TRPC3: variants seen among roughly 807,000 people sequenced by gnomAD.
The protein encoded by TRPC3 is short transient receptor potential channel 3.
In TRPC3, 54 loss-of-function variants were observed where a neutral mutation model predicts 90.9. The ratio of observed to expected loss-of-function variants is 0.59; its 90% CI spans 0.48 to 0.75. TRPC3 has a LOEUF of 0.75. Among genes scored for constraint, TRPC3 ranks in the 30% least tolerant of loss-of-function variants. TRPC3 has a pLI of 0.00. For missense variants in TRPC3, 918 were observed against 1,194.5 expected, an observed-to-expected ratio of 0.77 and a Z score of 3.41; for synonymous variants, 424 against 450.9, an observed-to-expected ratio of 0.94 and a Z score of 0.75.
chr4:121,917,998 T>C (rs1729374539), intron 3 of TRPC3, among the ~76,000 whole-genome samples: 1 of 152,232 alleles, frequency 6.6e-6, no homozygotes, highest in Non-Finnish European at 1.5e-5. Context: ...CGTTTGAATG[T>C]GTCTCCTCCA....
At chr4:121,907,619 A>G (rs545557485) in intron 6 of TRPC3, 52 bp from the exon 7 acceptor site, 5 of 1,554,004 alleles carry the variant, frequency 3.2e-6, no homozygotes, top group Admixed American at 4.0e-5. Context: ...TTCATTGCCA[A>G]CTACGCAAAG....
chr4:121,907,649 C>CAAATGGGGGCAGGGATCACATTGTG, intron 6 of TRPC3, 82 bp from the exon 7 acceptor site: 1 of 1,448,606 alleles, frequency 6.9e-7, no homozygotes. Context: ...TAAATAGGAT[C>CAAATGGGGGCAGGGATCACATTGTG]TATCTTGTAG....
At chr4:121,907,623 C>A in intron 6 of TRPC3, 56 bp from the exon 7 acceptor site, 1 of 1,543,452 alleles carries the variant, frequency 6.5e-7, no homozygotes, top group Non-Finnish European at 8.7e-7. Context: ...TTGCCAACTA[C>A]GCAAAGCAAA....
At chr4:121,930,824 G>T (rs1485776188) in intron 2 of TRPC3, 2 of 271,642 alleles carry the variant, frequency 7.4e-6, no homozygotes, top group Non-Finnish European at 1.3e-5. Flanking sequence ...AACTTGCTCT[G>T]AGATCTAAAA....
Position 121,939,035 on chromosome 4 carries a change from A to G in TRPC3, c.216-5993T>C, listed in dbSNP as rs77910954. Among the ~76,000 whole-genome samples the G allele has an allele frequency of 1.3e-3, 205 of 152,252 alleles. 1 individual carries two copies. Among genetic ancestry groups the G allele is most frequent in the African/African-American group, 4.7e-3 (197 of 41,550 alleles). On this transcript the variant is annotated intron_variant, in intron 1 of 11. Transcript: ENST00000379645. ...AAACATATTATTCTGCCATTTCTGT[A>G]CTGTCAAGGGGTACTCCCGTACTAT...
chr4:121,915,564 G>A (rs925830027), intron 3 of TRPC3, among the ~76,000 whole-genome samples: 4 of 152,126 alleles, frequency 2.6e-5, no homozygotes, highest in African/African-American at 9.7e-5. Context: ...CTTCCCTCCC[G>A]TCCTCTTTTT....
Position 121,879,970 on chromosome 4 carries a change from G to A in TRPC3, c.2624-92C>T, listed in dbSNP as rs553526191. On this transcript the variant is annotated intron_variant, in intron 11 of 11. Coordinates refer to ENST00000379645, the MANE Select transcript of TRPC3 (RefSeq NM_001130698.2). ...AAATTCTTACAATATCAATGTATTTGCTTCATAAGGTCTCCAAGGTAGCTA... is the reference window on the plus strand; with the variant it reads ...AAATTCTTACAATATCAATGTATTTACTTCATAAGGTCTCCAAGGTAGCTA... 6 of 1,243,732 alleles carry A rather than the reference G, an allele frequency of 4.8e-6. No individual in the cohort carries two copies. In the East Asian group the frequency reaches 1.4e-4, roughly 29 times the overall value. 77.0% of individuals were successfully genotyped at this position (1,243,732 alleles called of 1,614,324 possible).
rs771798419 is a variant in TRPC3, at chr4:121,932,250, G to T, written c.987+21C>A. 1.9e-6 allele frequency: 3 copies of T among 1,607,672 alleles called. No homozygotes were observed. The East Asian group carries it at 6.7e-5, about 36-fold the overall frequency. ...AGTTGGGTGAGCACACAGAGCAGCC[G>T]GGGTAGAGCGCAAAGCTTACCTTGA... On this transcript the variant is annotated intron_variant, in intron 2 of 11. Coordinates refer to ENST00000379645, the MANE Select transcript of TRPC3 (RefSeq NM_001130698.2). The surrounding 1 kb of genome is among the most constrained non-coding windows in gnomAD (Gnocchi z 7.7).
intron 1 of TRPC3, among the ~76,000 whole-genome samples, chr4:121,947,353 A>T (rs1344383248): frequency 6.6e-6 from 1 of 152,102 alleles, no homozygotes; most frequent in Non-Finnish European, 1.5e-5. Context: ...TTCAACAATC[A>T]CTTGGAGAAT....
chr4:121,894,447 C>T (rs561783703), intron 10 of TRPC3, among the ~76,000 whole-genome samples: 1 of 151,442 alleles, frequency 6.6e-6, no homozygotes, highest in African/African-American at 2.4e-5. Flanking sequence ...ACAGATCATT[C>T]AGACAGAAAA....
At chr4:121,909,975 G>C (rs780521381) in intron 6 of TRPC3, among the ~76,000 whole-genome samples, 179 bp downstream of exon 6, 1 of 152,040 alleles carries the variant, frequency 6.6e-6, no homozygotes, top group South Asian at 2.1e-4. Flanking sequence ...CACAGCAAAG[G>C]GGGTCAGAGC....
intron 1 of TRPC3, among the ~76,000 whole-genome samples, chr4:121,935,077 A>T (rs749137301): frequency 6.6e-6 from 1 of 152,248 alleles, no homozygotes; most frequent in Non-Finnish European, 1.5e-5. Flanking sequence ...CTAAGAAGTC[A>T]TACAGGAAGG....
In TRPC3 at chr4:121,876,743, C is replaced by G. The variant is rs766109023; in HGVS notation, c.*2993G>C. 5.6e-4 allele frequency among the ~76,000 whole-genome samples: 85 copies of G among 152,290 alleles called. No homozygotes were observed. Among genetic ancestry groups the G allele is most frequent in the Non-Finnish European group, 1.1e-3 (77 of 68,018 alleles). The stretch of plus-strand genomic sequence containing the variant: ...ATTATTTCAAGTCTAAGAACCCAAA[C>G]TTTTCAACAGATTGTGACTTCCATA... On this transcript the variant is annotated 3_prime_UTR_variant, in exon 12 of 12. Transcript: ENST00000379645.
chr4:121,920,118 A>G (rs1406588369), intron 3 of TRPC3, among the ~76,000 whole-genome samples: 1 of 152,232 alleles, frequency 6.6e-6, no homozygotes, highest in African/African-American at 2.4e-5. Flanking sequence ...ATCAAATTTC[A>G]TCTTCCAGTG....
intron 7 of TRPC3, among the ~76,000 whole-genome samples, chr4:121,904,731 C>A (rs1350556672): frequency 6.6e-6 from 1 of 152,104 alleles, no homozygotes; most frequent in Non-Finnish European, 1.5e-5. Context: ...CAATGCCTAG[C>A]TTTTCTGAAG....
chr4:121,904,311 A>G lies in TRPC3; in HGVS notation c.2253+11T>C. ...ACAAGGATAGATACTATGGATAGAA[A>G]ACCGATTTACCTCAATTTCTTGATA... is the stretch of plus-strand genomic sequence containing the variant. On this transcript the variant is annotated intron_variant, in intron 8 of 11. Coordinates refer to ENST00000379645, the MANE Select transcript of TRPC3 (RefSeq NM_001130698.2). 6.3e-7 allele frequency: 1 copy of G among 1,595,740 alleles called. No individual in the cohort carries two copies. Among genetic ancestry groups the G allele is most frequent in the Non-Finnish European group, 8.5e-7 (1 of 1,174,906 alleles).
chr4:121,927,689 T>G (rs1043313627), intron 2 of TRPC3, among the ~76,000 whole-genome samples: 1 of 152,210 alleles, frequency 6.6e-6, no homozygotes, highest in Non-Finnish European at 1.5e-5. Flanking sequence ...CTACACAGAT[T>G]AGAATAGTTT....
chr4:121,942,038 C>G (rs948780824), intron 1 of TRPC3, among the ~76,000 whole-genome samples: 2 of 152,140 alleles, frequency 1.3e-5, no homozygotes, highest in Non-Finnish European at 2.9e-5. Flanking sequence ...GTCACAGTAA[C>G]AACCAAACCA....
intron 1 of TRPC3, among the ~76,000 whole-genome samples, chr4:121,938,019 T>TAA (rs539296935): frequency 7.0e-6 from 1 of 141,962 alleles, no homozygotes. Flanking sequence ...TGAATTTATT[T>TAA]AAAAAAAAAA....
Sources: allele counts gnomAD v4.1 joint callset (sites outside exome capture counted in the v4.1 genomes callset), GRCh38; gene constraint gnomAD v4.1.1; non-coding constraint Gnocchi (gnomAD v3.1); transcripts MANE v1.5; gene names NCBI Gene and HGNC (gene_info 2026-07-23, HGNC 2026-07-21).